The following PICALM variants were observed in gnomAD, a reference collection of about 807,000 sequenced individuals.
The protein encoded by PICALM is phosphatidylinositol-binding clathrin assembly protein.
A neutral mutation model predicts 80.5 loss-of-function variants in PICALM; 40 were observed. The ratio of observed to expected loss-of-function variants is 0.50; its 90% CI spans 0.39 to 0.65. The LOEUF (loss-of-function observed/expected upper bound fraction) is 0.65, where lower values mean the gene tolerates loss of function less well. Among genes scored for constraint, PICALM ranks in the 30% least tolerant of loss-of-function variants. The probability of loss-of-function intolerance (pLI) is 0.00; values close to 1 mark genes in which losing one functional copy is unlikely to be tolerated. For synonymous variants in PICALM, 288 were observed against 260.3 expected, an observed-to-expected ratio of 1.11 and a Z score of -1.02; for missense variants, 676 against 778.9, an observed-to-expected ratio of 0.87 and a Z score of 1.57.
At chr11:85,980,659 A>C (rs1305385371) in intron 17 of PICALM, among the ~76,000 whole-genome samples, 3 of 152,184 alleles carry the variant, frequency 2.0e-5, no homozygotes, top group Admixed American at 2.0e-4. Context: ...AAATCACAAG[A>C]TTTTGTATTT....
intron 1 of PICALM, among the ~76,000 whole-genome samples, chr11:86,061,941 G>A (rs2096372845): frequency 1.3e-5 from 2 of 151,892 alleles, no homozygotes; most frequent in Admixed American, 1.3e-4. Flanking sequence ...AAAAAAAAAA[G>A]CTGTCAAACC....
intron 1 of PICALM, among the ~76,000 whole-genome samples, chr11:86,056,390 T>A (rs935749745): frequency 6.7e-6 from 1 of 148,266 alleles, no homozygotes; most frequent in Non-Finnish European, 1.5e-5. Context: ...AAATAGTCAA[T>A]AACCACATAA....
chr11:86,056,402 G>GA (rs1168689520), intron 1 of PICALM, among the ~76,000 whole-genome samples: 5 of 146,910 alleles, frequency 3.4e-5, no homozygotes, highest in Non-Finnish European at 6.1e-5. Context: ...ACCACATAAA[G>GA]AAATGCTAAA....
At chr11:86,059,129 T>C (rs1272846029) in intron 1 of PICALM, among the ~76,000 whole-genome samples, 1 of 152,228 alleles carries the variant, frequency 6.6e-6, no homozygotes, top group Non-Finnish European at 1.5e-5. Flanking sequence ...GCAATTTCCA[T>C]AGTCACCATA....
intron 19 of PICALM, among the ~76,000 whole-genome samples, chr11:85,963,819 C>T (rs2093776404): frequency 6.6e-6 from 1 of 151,784 alleles, no homozygotes; most frequent in Admixed American, 6.6e-5. Flanking sequence ...TGTAGTGGCG[C>T]AGTCACGGGT....
At chr11:85,971,091 A>C (rs1446438657) in intron 19 of PICALM, among the ~76,000 whole-genome samples, 1 of 152,228 alleles carries the variant, frequency 6.6e-6, no homozygotes, top group African/African-American at 2.4e-5. Flanking sequence ...TAAAAGTAAC[A>C]TTAACAAATT....
chr11:86,059,871 A>T (rs955340690), intron 1 of PICALM, among the ~76,000 whole-genome samples: 16 of 107,516 alleles, frequency 1.5e-4, no homozygotes, highest in South Asian at 3.0e-4. Flanking sequence ...GTTTTGACAT[A>T]AAAAAAAAAA....
intron 19 of PICALM, among the ~76,000 whole-genome samples, chr11:85,959,756 G>T (rs1004978518): frequency 1.3e-5 from 2 of 151,810 alleles, no homozygotes; most frequent in African/African-American, 4.8e-5. Flanking sequence ...ATTTTTGGGT[G>T]GGGGTAGAGA....
rs186462187 is a variant in PICALM at position 86,006,827 on chromosome 11, T to C, written c.807+715A>G. On this transcript the variant is annotated intron_variant, in intron 8 of 19. Transcript: ENST00000393346. ...AGAACAACCAGCAGGTATGAAGTTT[T>C]TTCCTAGAAAATTTTTTGATGATGA... is the stretch of plus-strand genomic sequence containing the variant. Among the ~76,000 whole-genome samples the C allele has an allele frequency of 9.3e-4, 141 of 152,336 alleles. 1 individual carries two copies. Among genetic ancestry groups the C allele is most frequent in the Non-Finnish European group, 2.5e-4 (17 of 68,038 alleles).
chr11:85,986,732 A>T (rs1332820070), intron 13 of PICALM, among the ~76,000 whole-genome samples: 1 of 152,204 alleles, frequency 6.6e-6, no homozygotes, highest in Non-Finnish European at 1.5e-5. Flanking sequence ...AAACAAAAAG[A>T]CCCAGCTAGT....
chr11:86,023,382 G>GA (rs201006463), intron 3 of PICALM: 1,338 of 873,510 alleles, frequency 1.5e-3, no homozygotes, highest in Non-Finnish European at 1.7e-3. Context: ...GAACAAAATA[G>GA]AAAAAAAAAT....
At chr11:85,965,825 T>TG (rs1565206385) in intron 19 of PICALM, among the ~76,000 whole-genome samples, 4 of 141,876 alleles carry the variant, frequency 2.8e-5, no homozygotes, top group Non-Finnish European at 6.1e-5. Flanking sequence ...GTTTTTTTTT[T>TG]TTTTTTTTTT....
At chr11:86,014,769 G>T (rs1163881775) in intron 5 of PICALM, 101 bp downstream of exon 5, 1 of 600,174 alleles carries the variant, frequency 1.7e-6, no homozygotes, top group Non-Finnish European at 2.9e-6. Flanking sequence ...AGGATATCAG[G>T]ATGTGAAAAA....
chr11:85,991,590 A>C (rs889262923), intron 12 of PICALM, among the ~76,000 whole-genome samples: 4 of 152,174 alleles, frequency 2.6e-5, no homozygotes, highest in Admixed American at 2.6e-4. Context: ...TTTAAAAACA[A>C]CACATCTTTT....
At chr11:86,060,129 T>C (rs2096336163) in intron 1 of PICALM, among the ~76,000 whole-genome samples, 1 of 152,180 alleles carries the variant, frequency 6.6e-6, no homozygotes, top group Non-Finnish European at 1.5e-5. Context: ...AAAATTACTT[T>C]GAGAATTCAA....
chr11:85,974,483 T>TA, intron 19 of PICALM: 1 of 647,446 alleles, frequency 1.5e-6, no homozygotes, highest in African/African-American at 1.8e-5. Context: ...AACTATAAGT[T>TA]ACCAAGAATT....
intron 1 of PICALM, among the ~76,000 whole-genome samples, chr11:86,034,542 A>C (rs1269893424): frequency 6.6e-6 from 1 of 152,184 alleles, no homozygotes; most frequent in Non-Finnish European, 1.5e-5. Flanking sequence ...CCAACCAATA[A>C]GTTACCAAAA....
intron 1 of PICALM, among the ~76,000 whole-genome samples, chr11:86,035,264 A>C (rs893686063): frequency 2.0e-5 from 3 of 152,160 alleles, no homozygotes; most frequent in Admixed American, 1.3e-4. Context: ...CAGCCTATAT[A>C]GATTTCCCCA....
At chr11:85,982,340 A>G (rs1384574372) in intron 14 of PICALM, among the ~76,000 whole-genome samples, 1 of 151,526 alleles carries the variant, frequency 6.6e-6, no homozygotes, top group Non-Finnish European at 1.5e-5. Context: ...ACTCACTTAT[A>G]TCTAAAGCAA....
Sources: allele counts gnomAD v4.1 joint callset (sites outside exome capture counted in the v4.1 genomes callset), GRCh38; gene constraint gnomAD v4.1.1; transcripts MANE v1.5; gene names NCBI Gene and HGNC (gene_info 2026-07-23, HGNC 2026-07-21).